The following KIRREL3 variants were observed in gnomAD, a reference collection of about 807,000 sequenced individuals.
KIRREL3 encodes kin of IRRE-like protein 3.
In KIRREL3, 36 loss-of-function variants were observed where a neutral mutation model predicts 89.7. That is an observed-to-expected ratio of 0.40 (90% CI 0.31 to 0.53). KIRREL3 has a LOEUF of 0.53. Ranked by LOEUF, KIRREL3 falls within the 20% of genes least tolerant of loss-of-function variation. The pLI is 0.49. For missense variants in KIRREL3, 864 were observed against 1,056.6 expected (o/e 0.82, Z 2.53); for synonymous variants, 445 against 441.4 (o/e 1.01, Z -0.10).
chr11:126,712,307 G>T (rs1947792237), intron 1 of KIRREL3, among the ~76,000 whole-genome samples: 1 of 151,868 alleles, frequency 6.6e-6, no homozygotes, highest in Non-Finnish European at 1.5e-5. Flanking sequence ...GCATTTTGGG[G>T]GGCTGGGGCT....
rs1283303050 is a variant in KIRREL3, at chr11:126,905,627, C to T, written c.55+94828G>A. Among the ~76,000 whole-genome samples the T allele has an allele frequency of 2.6e-5, 4 of 152,110 alleles. No individual in the cohort carries two copies. The highest frequency in any genetic ancestry group is 2.0e-4 in the Admixed American group (3 of 15,282). ...TTGCAAGCCTCATCCTGCACAGTGGCTTGGTGTGTGATTCGGTGTGCTAAA... is the reference window on the plus strand; with the variant it reads ...TTGCAAGCCTCATCCTGCACAGTGGTTTGGTGTGTGATTCGGTGTGCTAAA... On this transcript the variant is annotated intron_variant, in intron 1 of 16. Transcript: ENST00000525144. This position sits in a 1 kb window ranked among gnomAD's most constrained non-coding sequence, Gnocchi z 5.0.
Position 126,976,688 on chromosome 11 carries a change from T to G in KIRREL3, c.55+23767A>C, listed in dbSNP as rs553534029. Among the ~76,000 whole-genome samples the G allele has an allele frequency of 7.2e-5, 11 of 152,178 alleles. No homozygotes were observed. Among genetic ancestry groups the G allele is most frequent in the Admixed American group, 2.0e-4 (3 of 15,280 alleles). On this transcript the variant is annotated intron_variant, in intron 1 of 16. Coordinates refer to ENST00000525144, the MANE Select transcript of KIRREL3 (RefSeq NM_032531.4). The surrounding 1 kb of genome is among the most constrained non-coding windows in gnomAD (Gnocchi z 4.2). Reference sequence around the variant, plus strand: ...TAGTGATAGTTAATATTTATTGAATTTTTCTATGTGTCAGATAATATGCTG... The same window carrying G: ...TAGTGATAGTTAATATTTATTGAATGTTTCTATGTGTCAGATAATATGCTG...
In KIRREL3 at chr11:126,639,104, C is replaced by T. The variant is rs189564374; in HGVS notation, c.56-76192G>A. On this transcript the variant is annotated intron_variant, in intron 1 of 16. Transcript: ENST00000525144. The surrounding 1 kb of genome is among the most constrained non-coding windows in gnomAD (Gnocchi z 4.3). ...GCCAAAGTTTCCAGTTTCTTCATGA[C>T]TTGGCCAGCCCCCCAATCATCCCAA... Among the ~76,000 whole-genome samples, 14 of 152,294 alleles carry T rather than the reference C, an allele frequency of 9.2e-5. No homozygotes were observed. In the East Asian group the frequency reaches 2.3e-3, roughly 25 times the overall value.
intron 7 of KIRREL3, among the ~76,000 whole-genome samples, chr11:126,450,391 GGGTAT>G (rs1276063675): frequency 4.0e-5 from 6 of 151,070 alleles, no homozygotes; most frequent in African/African-American, 1.5e-4. Context: ...GTGTGAGTGT[GGGTAT>G]GTGTGAGTGT....
Position 126,526,550 on chromosome 11 carries a change from T to C in KIRREL3, c.271A>G (p.Arg91Gly). ...IKDGLALGVG[R>G]DLSSYPQYLV... Reference sequence around the variant, plus strand: ...TGGAGGTACTCACTTGAGAGGTCCCTGCCCACACCCAGAGCCAAGCCGTCC... The same window carrying C: ...TGGAGGTACTCACTTGAGAGGTCCCCGCCCACACCCAGAGCCAAGCCGTCC... Residue 91 changes from arginine (R) to glycine (G), a missense_variant, in exon 3 of 17, where the codon AGG (arginine) becomes GGG (glycine). Transcript: ENST00000525144. The surrounding 1 kb of genome is among the most constrained non-coding windows in gnomAD (Gnocchi z 5.7). 6.2e-7 allele frequency: 1 copy of C among 1,613,212 alleles called. No individual in the cohort carries two copies. The highest frequency in any genetic ancestry group is 8.5e-7 in the Non-Finnish European group (1 of 1,179,580).
intron 5 of KIRREL3, among the ~76,000 whole-genome samples, chr11:126,468,493 G>T (rs923289702): frequency 2.6e-5 from 4 of 152,240 alleles, no homozygotes; most frequent in African/African-American, 9.6e-5. Context: ...CTGGGGGAGG[G>T]ACTGGGTGCT....
Position 126,905,489 on chromosome 11 carries a change from C to T in KIRREL3, c.55+94966G>A, listed in dbSNP as rs1946544274. On this transcript the variant is annotated intron_variant, in intron 1 of 16. Transcript: ENST00000525144. The surrounding 1 kb of genome is among the most constrained non-coding windows in gnomAD (Gnocchi z 5.0). Reference sequence around the variant, plus strand: ...GTCTTTCTCATTAAGAGTCTAAGCCCATAAGGCAATTTGTGGCATTTACTG... The same window carrying T: ...GTCTTTCTCATTAAGAGTCTAAGCCTATAAGGCAATTTGTGGCATTTACTG... Among the ~76,000 whole-genome samples the T allele has an allele frequency of 6.6e-6, 1 of 152,090 alleles. No homozygotes were observed. Among genetic ancestry groups the T allele is most frequent in the Non-Finnish European group, 1.5e-5 (1 of 68,018 alleles).
In KIRREL3 at chr11:126,990,457, C is replaced by CGGCA. The variant is rs1950003632; in HGVS notation, c.55+9994_55+9997dup. Among the ~76,000 whole-genome samples, 1 of 152,156 alleles carries CGGCA rather than the reference C, an allele frequency of 6.6e-6. No individual in the cohort carries two copies. The highest frequency in any genetic ancestry group is 6.5e-5 in the Admixed American group (1 of 15,272). On this transcript the variant is annotated intron_variant, in intron 1 of 16. Transcript: ENST00000525144. The surrounding 1 kb of genome is among the most constrained non-coding windows in gnomAD (Gnocchi z 6.3). ...ATCCCTCCCGTCCCTTCCCAGCTCC[C>CGGCA]GGCAGCCACTAGGCTTTCCCCTTCC...
intron 1 of KIRREL3, among the ~76,000 whole-genome samples, chr11:126,869,018 C>A (rs1337754389): frequency 6.6e-6 from 1 of 152,126 alleles, no homozygotes; most frequent in Non-Finnish European, 1.5e-5. Flanking sequence ...AGCCCCAAGT[C>A]CTAATACTCC....
chr11:126,511,385 C>T (rs763571330), intron 4 of KIRREL3, among the ~76,000 whole-genome samples: 6 of 151,974 alleles, frequency 3.9e-5, no homozygotes, highest in Admixed American at 6.5e-5. Context: ...GAGAGGCAGT[C>T]GGTCATGGGT....
rs560940892 is a variant in KIRREL3, at chr11:126,773,455, C to A, written c.56-210543G>T. ...GCCAACCCTGCAGATTTTGGACTTA[C>A]CAGTCTCCATCGTTGTGTGAGCCAG... On this transcript the variant is annotated intron_variant, in intron 1 of 16. Coordinates refer to ENST00000525144, the MANE Select transcript of KIRREL3 (RefSeq NM_032531.4). This position sits in a 1 kb window ranked among gnomAD's most constrained non-coding sequence, Gnocchi z 4.2. Among the ~76,000 whole-genome samples, 3 of 152,316 alleles carry A rather than the reference C, an allele frequency of 2.0e-5. No homozygotes were observed. In the East Asian group the frequency reaches 5.8e-4, roughly 29 times the overall value.
At chr11:126,449,296 A>G (rs767424753) in intron 7 of KIRREL3, 139 bp from the exon 8 acceptor site, 97 of 905,978 alleles carry the variant, frequency 1.1e-4, no homozygotes, top group Non-Finnish European at 1.5e-4. Flanking sequence ...GTCAAGGGGA[A>G]TCTTCACAGA....
chr11:126,901,969 A>G (rs781218041), intron 1 of KIRREL3, among the ~76,000 whole-genome samples: 4 of 152,172 alleles, frequency 2.6e-5, no homozygotes, highest in Non-Finnish European at 5.9e-5. Flanking sequence ...GCAGCATGGA[A>G]TGTCTCAAGG....
In KIRREL3 at chr11:126,747,224, A is replaced by T. The variant is rs1949182729; in HGVS notation, c.56-184312T>A. Among the ~76,000 whole-genome samples, 1 of 152,044 alleles carries T rather than the reference A, an allele frequency of 6.6e-6. No homozygotes were observed. Among genetic ancestry groups the T allele is most frequent in the Non-Finnish European group, 1.5e-5 (1 of 68,002 alleles). On this transcript the variant is annotated intron_variant, in intron 1 of 16. Coordinates refer to ENST00000525144, the MANE Select transcript of KIRREL3 (RefSeq NM_032531.4). This position sits in a 1 kb window ranked among gnomAD's most constrained non-coding sequence, Gnocchi z 4.7. ...CCAGGCCAGCAGGCCTCATACCTCT[A>T]CTCTGCCCTGACAAGTTGTAACCCT...
Position 126,719,547 on chromosome 11 carries a change from C to T in KIRREL3, c.56-156635G>A, listed in dbSNP as rs74657293. On this transcript the variant is annotated intron_variant, in intron 1 of 16. Coordinates refer to ENST00000525144, the MANE Select transcript of KIRREL3 (RefSeq NM_032531.4). The surrounding 1 kb of genome is among the most constrained non-coding windows in gnomAD (Gnocchi z 4.7). ...TCCTTGCTGGGCATTTCCATTTGAA[C>T]ATCTCTTAGGTTTCTAAAATGTAAC... 1.3e-5 allele frequency among the ~76,000 whole-genome samples: 2 copies of T among 152,224 alleles called. No homozygotes were observed. Among genetic ancestry groups the T allele is most frequent in the African/African-American group, 4.8e-5 (2 of 41,548 alleles).
rs976842040 is a variant in KIRREL3, at chr11:126,680,399, T to G, written c.56-117487A>C. 6.1e-5 allele frequency among the ~76,000 whole-genome samples: 9 copies of G among 147,774 alleles called. 1 individual carries two copies. Among genetic ancestry groups the G allele is most frequent in the Admixed American group, 2.0e-4 (3 of 14,836 alleles). On this transcript the variant is annotated intron_variant, in intron 1 of 16. Transcript: ENST00000525144. ...TGCTCATCAACTCTTCTACTGGAGA[T>G]ATATATATATATATATACACATAGC...
At chr11:126,540,366 C>G (rs545855889) in intron 2 of KIRREL3, among the ~76,000 whole-genome samples, 66 of 152,304 alleles carry the variant, frequency 4.3e-4, no homozygotes, top group African/African-American at 1.4e-3. Context: ...AGGGCACATT[C>G]CCCTATGCTT....
rs1944259445 is a variant in KIRREL3 at position 126,636,237 on chromosome 11, G to A, written c.56-73325C>T. On this transcript the variant is annotated intron_variant, in intron 1 of 16. Transcript: ENST00000525144. The surrounding 1 kb of genome is among the most constrained non-coding windows in gnomAD (Gnocchi z 4.4). The stretch of plus-strand genomic sequence containing the variant: ...ATACCCAGGGCATGGCATGTGCTAA[G>A]CATTCAATAAATGTGGACTATTATT... Among the ~76,000 whole-genome samples, 1 of 152,330 alleles carries A rather than the reference G, an allele frequency of 6.6e-6. No homozygotes were observed. The highest frequency in any genetic ancestry group is 1.5e-5 in the Non-Finnish European group (1 of 68,026).
At chr11:126,933,119 G>T (rs1025177907) in intron 1 of KIRREL3, among the ~76,000 whole-genome samples, 34 of 152,136 alleles carry the variant, frequency 2.2e-4, no homozygotes, top group African/African-American at 8.0e-4. Flanking sequence ...AACAGAAAAA[G>T]ACGTCCAAAT....
Sources: gnomAD v4.1 joint callset for allele counts (sites outside exome capture counted in the v4.1 genomes callset) on GRCh38, gnomAD v4.1.1 for gene constraint, Gnocchi (gnomAD v3.1) non-coding constraint, MANE v1.5 for transcripts, NCBI Gene and HGNC (gene_info 2026-07-23, HGNC 2026-07-21) for gene names.